MTUS2: variants seen among roughly 807,000 people sequenced by gnomAD.
The protein encoded by MTUS2 is microtubule associated scaffold protein 2.
MTUS2 carries 40 observed loss-of-function variants against 114.1 expected under a neutral mutation model. The ratio of observed to expected loss-of-function variants is 0.35; its 90% CI spans 0.27 to 0.46. MTUS2 has a LOEUF of 0.46. MTUS2 is among the 20% of genes least tolerant of loss of function. The probability of loss-of-function intolerance (pLI) is 1.00; values close to 1 mark genes in which losing one functional copy is unlikely to be tolerated. For synonymous variants in MTUS2, 688 were observed against 672.0 expected, an observed-to-expected ratio of 1.02 and a Z score of -0.37; for missense variants, 1,679 against 1,705.4, an observed-to-expected ratio of 0.98 and a Z score of 0.27.
At chr13:29,311,331 G>T (rs1235614715) in intron 6 of MTUS2, among the ~76,000 whole-genome samples, 4 of 152,132 alleles carry the variant, frequency 2.6e-5, no homozygotes, top group Non-Finnish European at 5.9e-5. Context: ...CTCCTCACCT[G>T]GGTAACAATT....
At chr13:29,149,602 T>G (rs1892585195) in intron 5 of MTUS2, among the ~76,000 whole-genome samples, 1 of 152,230 alleles carries the variant, frequency 6.6e-6, no homozygotes. Flanking sequence ...CCCATGCCTA[T>G]GTCCTGAATG....
intron 2 of MTUS2, among the ~76,000 whole-genome samples, chr13:28,998,654 C>G (rs1027754954): frequency 1.3e-5 from 2 of 152,218 alleles, no homozygotes; most frequent in Non-Finnish European, 2.9e-5. Flanking sequence ...CCTTCCATTG[C>G]TGATACGCTT....
chr13:29,296,184 T>A (rs1245207029), intron 6 of MTUS2, among the ~76,000 whole-genome samples: 1 of 145,470 alleles, frequency 6.9e-6, no homozygotes, highest in Non-Finnish European at 1.5e-5. Flanking sequence ...ATATGGTAGT[T>A]CTATTTTTAG....
intron 2 of MTUS2, among the ~76,000 whole-genome samples, chr13:29,010,985 A>ACCAC (rs1428954258): frequency 2.0e-5 from 3 of 152,130 alleles, no homozygotes; most frequent in African/African-American, 7.2e-5. Flanking sequence ...GCCAGAGAGG[A>ACCAC]CGCGTTAGCA....
chr13:29,026,230 A>G lies in MTUS2; in HGVS notation c.1532A>G (p.Asn511Ser). Residue 511 changes from asparagine to serine, a missense_variant, in exon 3 of 16, where the codon AAC becomes AGC. Physicochemically the swap from Asn to Ser is conservative, Grantham distance 46. Around this residue, in one of 3 missense-constraint regions of MTUS2, gnomAD observed 843 missense variants for 770.8 expected, o/e 1.09. Transcript: ENST00000612955. ...EVTTSVAENR[N>S]LLENADKIES... is the part of the protein sequence containing the mutation. ...ACCACATCTGTTGCTGAAAACAGGA[A>G]CCTTCTAGAGAATGCAGATAAGATT... 1 of 1,613,930 alleles carries G rather than the reference A, an allele frequency of 6.2e-7. No homozygotes were observed. The highest frequency in any genetic ancestry group is 8.5e-7 in the Non-Finnish European group (1 of 1,179,882).
intron 2 of MTUS2, among the ~76,000 whole-genome samples, chr13:28,880,809 T>C (rs1878240176): frequency 6.6e-6 from 1 of 152,180 alleles, no homozygotes; most frequent in Non-Finnish European, 1.5e-5. Context: ...ATTTTACCCA[T>C]GGTTAACAGT....
intron 2 of MTUS2, among the ~76,000 whole-genome samples, chr13:28,971,288 A>G (rs1883844883): frequency 1.3e-5 from 2 of 152,212 alleles, no homozygotes; most frequent in Admixed American, 6.5e-5. Flanking sequence ...AAAGCCAGCT[A>G]TATGGTTGGG....
intron 6 of MTUS2, among the ~76,000 whole-genome samples, chr13:29,295,643 A>T (rs1262914000): frequency 6.6e-6 from 1 of 152,202 alleles, no homozygotes; most frequent in Non-Finnish European, 1.5e-5. Context: ...ATTTGTATAC[A>T]TACCTGTATT....
intron 11 of MTUS2, 102 bp downstream of exon 11, chr13:29,488,107 T>C (rs1431378130): frequency 4.7e-6 from 4 of 854,404 alleles, no homozygotes; most frequent in Non-Finnish European, 7.6e-6. Context: ...TGTCCCTCCT[T>C]TCCTGTCTTT....
At chr13:29,337,764 G>A (rs1172200998) in intron 7 of MTUS2, among the ~76,000 whole-genome samples, 2 of 142,456 alleles carry the variant, frequency 1.4e-5, no homozygotes, top group Non-Finnish European at 3.1e-5. Context: ...ACCACCCCTG[G>A]CTAATTTTTT....
intron 7 of MTUS2, among the ~76,000 whole-genome samples, chr13:29,325,479 GA>G (rs1593304657): frequency 1.9e-5 from 1 of 52,554 alleles, no homozygotes; most frequent in Non-Finnish European, 5.1e-5. Context: ...AAGAAAAGAA[GA>G]AGAGGAAGAG....
At chr13:29,244,428 G>A (rs1345883568) in intron 5 of MTUS2, among the ~76,000 whole-genome samples, 2 of 152,058 alleles carry the variant, frequency 1.3e-5, no homozygotes, top group East Asian at 1.9e-4. Context: ...CATGGATCCC[G>A]GGAAAAGGAG....
intron 3 of MTUS2, among the ~76,000 whole-genome samples, chr13:29,032,057 A>C (rs1186379856): frequency 6.6e-6 from 1 of 152,156 alleles, no homozygotes; most frequent in Non-Finnish European, 1.5e-5. Context: ...GGGGTTTCCA[A>C]ACGTTGTTTT....
At chr13:29,214,771 TTC>T (rs1173680486) in intron 5 of MTUS2, among the ~76,000 whole-genome samples, 4 of 152,208 alleles carry the variant, frequency 2.6e-5, no homozygotes, top group East Asian at 1.9e-4. Flanking sequence ...AACCTGACCT[TTC>T]TCTCTGACTG....
intron 2 of MTUS2, among the ~76,000 whole-genome samples, chr13:28,997,504 A>T (rs567184687): frequency 9.9e-5 from 15 of 152,178 alleles, no homozygotes; most frequent in Non-Finnish European, 1.9e-4. Context: ...AAAGTCTCCC[A>T]TTATTATTGT....
chr13:29,084,148 TG>T (rs1889563328), intron 4 of MTUS2, among the ~76,000 whole-genome samples: 2 of 152,212 alleles, frequency 1.3e-5, no homozygotes, highest in African/African-American at 2.4e-5. Context: ...ATTTGCCTGT[TG>T]GTGCATTCAA....
chr13:29,211,684 C>T (rs1394579589), intron 5 of MTUS2, among the ~76,000 whole-genome samples: 1 of 152,088 alleles, frequency 6.6e-6, no homozygotes, highest in Non-Finnish European at 1.5e-5. Flanking sequence ...TCTTAGCTCC[C>T]TATAAGGTCA....
chr13:29,335,666 G>A (rs187361654), intron 7 of MTUS2, among the ~76,000 whole-genome samples: 305 of 152,062 alleles, frequency 2.0e-3, no homozygotes, highest in Non-Finnish European at 3.7e-3. Flanking sequence ...TTCTCAGACC[G>A]GCCAACACTT....
chr13:29,368,042 C>T (rs972871669), intron 8 of MTUS2, among the ~76,000 whole-genome samples: 3 of 151,720 alleles, frequency 2.0e-5, no homozygotes, highest in South Asian at 2.1e-4. Flanking sequence ...GGGTTCACAC[C>T]ATTCTCCTGC....
Sources: allele counts gnomAD v4.1 joint callset (sites outside exome capture counted in the v4.1 genomes callset), GRCh38; gene constraint gnomAD v4.1.1; regional missense constraint gnomAD v4.1.1; transcripts MANE v1.5; gene names NCBI Gene and HGNC (gene_info 2026-07-23, HGNC 2026-07-21).